The following SYN2 variants were observed in gnomAD, a reference collection of about 807,000 sequenced individuals.
SYN2 encodes the protein synapsin-2.
In SYN2, 19 loss-of-function variants were observed where a neutral mutation model predicts 50.9. The observed-to-expected ratio is 0.37, with a 90% CI of 0.26 to 0.55. SYN2 has a LOEUF of 0.55. Among genes scored for constraint, SYN2 ranks in the 20% least tolerant of loss-of-function variants. The pLI is 0.81. For missense variants in SYN2, 587 were observed against 576.4 expected, an observed-to-expected ratio of 1.02 and a Z score of -0.19; for synonymous variants, 255 against 224.9, an observed-to-expected ratio of 1.13 and a Z score of -1.20.
intron 1 of SYN2, among the ~76,000 whole-genome samples, chr3:12,035,595 A>G (rs992351770): frequency 2.6e-5 from 4 of 152,228 alleles, no homozygotes; most frequent in African/African-American, 9.6e-5. Flanking sequence ...ATACATTGAT[A>G]TACGGAGGCT....
At chr3:12,058,578 C>G (rs1574915164) in intron 1 of SYN2, among the ~76,000 whole-genome samples, 1 of 152,128 alleles carries the variant, frequency 6.6e-6, no homozygotes, top group Non-Finnish European at 1.5e-5. Context: ...TAATTAAGCA[C>G]TAGCATGTCT....
chr3:12,178,952 A>G (rs1275485812), intron 10 of SYN2, among the ~76,000 whole-genome samples: 4 of 152,254 alleles, frequency 2.6e-5, no homozygotes, highest in African/African-American at 7.2e-5. Context: ...AATACTGTGC[A>G]CCATGCCCTT....
intron 1 of SYN2, among the ~76,000 whole-genome samples, chr3:12,125,138 C>T (rs923313622): frequency 5.3e-5 from 8 of 152,056 alleles, no homozygotes; most frequent in African/African-American, 1.9e-4. Flanking sequence ...CCTCAGCCTC[C>T]CAAGTAGCTG....
intron 1 of SYN2, among the ~76,000 whole-genome samples, chr3:12,068,483 A>G (rs1695269589): frequency 6.6e-6 from 1 of 152,038 alleles, no homozygotes; most frequent in Admixed American, 6.5e-5. Flanking sequence ...ATCTATTTGC[A>G]TTTGTTTTGC....
intron 1 of SYN2, among the ~76,000 whole-genome samples, chr3:12,015,095 C>T (rs963911127): frequency 3.9e-5 from 6 of 152,140 alleles, no homozygotes; most frequent in African/African-American, 1.4e-4. Flanking sequence ...ATTGAATGTG[C>T]CGTGCCCCTG....
chr3:12,069,342 G>A (rs940018041), intron 1 of SYN2, among the ~76,000 whole-genome samples: 7 of 151,854 alleles, frequency 4.6e-5, no homozygotes, highest in South Asian at 2.1e-4. Context: ...TCCGCCTCCC[G>A]GGTTCAAGCT....
intron 5 of SYN2, chr3:12,154,265 T>C (rs1367746306): frequency 6.2e-7 from 1 of 1,608,474 alleles, no homozygotes; most frequent in Non-Finnish European, 8.5e-7. Flanking sequence ...AATTCATGCA[T>C]GAATGAAGGC....
rs181766571 is a variant in SYN2 at position 12,027,066 on chromosome 3, T to C, written c.377+22138T>C. On this transcript the variant is annotated intron_variant, in intron 1 of 12. Transcript: ENST00000621198. Reference sequence around the variant, plus strand: ...GGAGGCTCTGCTGATAGGCAGCAAGTCTCAGACTGCAATAAACTCAGTGGT... The same window carrying C: ...GGAGGCTCTGCTGATAGGCAGCAAGCCTCAGACTGCAATAAACTCAGTGGT... 2.0e-5 allele frequency among the ~76,000 whole-genome samples: 3 copies of C among 152,280 alleles called. No homozygotes were observed. The East Asian group carries it at 5.8e-4, about 29-fold the overall frequency.
intron 10 of SYN2, among the ~76,000 whole-genome samples, chr3:12,182,903 G>A (rs1034998107): frequency 6.6e-6 from 1 of 152,232 alleles, no homozygotes; most frequent in African/African-American, 2.4e-5. Context: ...GGGGTTTGGC[G>A]TTGGCCCTCC....
At chr3:12,123,780 G>A (rs1696609565) in intron 1 of SYN2, among the ~76,000 whole-genome samples, 1 of 152,112 alleles carries the variant, frequency 6.6e-6, no homozygotes, top group Non-Finnish European at 1.5e-5. Context: ...GGAGGTCAAG[G>A]CAAATGGGTC....
chr3:12,152,403 G>A (rs1038431743), intron 5 of SYN2, among the ~76,000 whole-genome samples: 9 of 152,208 alleles, frequency 5.9e-5, no homozygotes, highest in African/African-American at 1.9e-4. Context: ...GGAGCCCTGA[G>A]GGTCCTTTGG....
intron 1 of SYN2, among the ~76,000 whole-genome samples, chr3:12,032,036 GT>G (rs1345124064): frequency 7.3e-6 from 1 of 137,404 alleles, no homozygotes; most frequent in Non-Finnish European, 1.6e-5. Flanking sequence ...TCCTTTCCAT[GT>G]TTAGCGCTTC....
chr3:12,007,217 C>T (rs529054567), intron 1 of SYN2, among the ~76,000 whole-genome samples: 1 of 152,304 alleles, frequency 6.6e-6, no homozygotes, highest in South Asian at 2.1e-4. Flanking sequence ...TGATGGAAGT[C>T]ATAGAAGCCA....
chr3:12,050,916 T>C (rs1447948689), intron 1 of SYN2, among the ~76,000 whole-genome samples: 2 of 150,452 alleles, frequency 1.3e-5, no homozygotes, highest in Non-Finnish European at 3.0e-5. Flanking sequence ...TTTGTATTTT[T>C]AGTAGAGACG....
rs552009895 is a variant in SYN2 at position 12,116,446 on chromosome 3, C to T, written c.378-24205C>T. ...CATGGTCTCACCTTGGTTTTGTGAT[C>T]GGTCAATGATCTGGTGGCAAACGAA... On this transcript the variant is annotated intron_variant, in intron 1 of 12. Coordinates refer to ENST00000621198, the MANE Select transcript of SYN2 (RefSeq NM_133625.6). Among the ~76,000 whole-genome samples, 10 of 152,232 alleles carry T rather than the reference C, an allele frequency of 6.6e-5. No individual in the cohort carries two copies. The South Asian group carries it at 1.5e-3, about 22-fold the overall frequency.
intron 1 of SYN2, among the ~76,000 whole-genome samples, chr3:12,087,607 C>T (rs1695732278): frequency 6.6e-6 from 1 of 151,752 alleles, no homozygotes; most frequent in Non-Finnish European, 1.5e-5. Flanking sequence ...AAAAAAATAG[C>T]TAGGAGTGGT....
At chr3:12,089,411 G>T in intron 1 of SYN2, among the ~76,000 whole-genome samples, 1 of 152,182 alleles carries the variant, frequency 6.6e-6, no homozygotes, top group East Asian at 1.9e-4. Flanking sequence ...TTCCCACTGG[G>T]TCCCTCCCAG....
chr3:12,109,802 A>C (rs1037949661), intron 1 of SYN2, among the ~76,000 whole-genome samples: 1 of 152,228 alleles, frequency 6.6e-6, no homozygotes, highest in African/African-American at 2.4e-5. Flanking sequence ...ACTTGGGAGA[A>C]ATTCAGATCT....
At chr3:12,089,825 C>T (rs764757016) in intron 1 of SYN2, among the ~76,000 whole-genome samples, 4 of 152,012 alleles carry the variant, frequency 2.6e-5, no homozygotes, top group South Asian at 2.1e-4. Context: ...TAGAGGTTGG[C>T]TATTACCCAA....
Sources: allele counts gnomAD v4.1 joint callset (sites outside exome capture counted in the v4.1 genomes callset), GRCh38; gene constraint gnomAD v4.1.1; transcripts MANE v1.5; gene names NCBI Gene and HGNC (gene_info 2026-07-23, HGNC 2026-07-21).